The following CNPY1 variants were observed in gnomAD, a reference collection of about 807,000 sequenced individuals.
The protein encoded by CNPY1 is protein canopy homolog 1.
Under a neutral mutation model 14.4 loss-of-function variants are expected in CNPY1, and 14 were observed. The ratio of observed to expected loss-of-function variants is 0.97; its 90% CI spans 0.64 to 1.52. CNPY1 has a LOEUF of 1.52. Among genes scored for constraint, CNPY1 ranks in the 40% most tolerant of loss-of-function variants. CNPY1 has a pLI of 0.00. For missense variants in CNPY1, 129 were observed against 131.5 expected, an observed-to-expected ratio of 0.98 and a Z score of 0.09; for synonymous variants, 43 against 46.5, an observed-to-expected ratio of 0.92 and a Z score of 0.31.
intron 2 of CNPY1, among the ~76,000 whole-genome samples, chr7:155,527,434 C>CTTTTTTTTT (rs11364914): frequency 7.0e-5 from 4 of 56,890 alleles, no homozygotes; most frequent in Non-Finnish European, 9.0e-5. Context: ...TAATTAATTT[C>CTTTTTTTTT]TTTTTTTTTT....
At chr7:155,533,474 C>A (rs906179885) in intron 2 of CNPY1, among the ~76,000 whole-genome samples, 2 of 152,200 alleles carry the variant, frequency 1.3e-5, no homozygotes, top group Non-Finnish European at 1.5e-5. Context: ...GTGCAGGGCG[C>A]GCCTCAGAAT....
intron 2 of CNPY1, among the ~76,000 whole-genome samples, chr7:155,535,289 C>CAGGAACCT: frequency 6.6e-6 from 1 of 152,182 alleles, no homozygotes; most frequent in Non-Finnish European, 1.5e-5. Flanking sequence ...TGTGCCCTGC[C>CAGGAACCT]TCCAGGAAGG....
intron 2 of CNPY1, among the ~76,000 whole-genome samples, chr7:155,515,630 G>T (rs991802832): frequency 1.3e-5 from 2 of 152,110 alleles, no homozygotes; most frequent in African/African-American, 4.8e-5. Context: ...TGGGGGAAAC[G>T]AGGAGATTCG....
At chr7:155,509,556 G>A (rs1258255127) in intron 2 of CNPY1, among the ~76,000 whole-genome samples, 1 of 152,092 alleles carries the variant, frequency 6.6e-6, no homozygotes, top group African/African-American at 2.4e-5. Flanking sequence ...GCGAGAGAGA[G>A]AGCGCGCGCT....
intron 2 of CNPY1, among the ~76,000 whole-genome samples, chr7:155,515,796 A>G (rs769661393): frequency 1.5e-4 from 23 of 152,204 alleles, no homozygotes; most frequent in Non-Finnish European, 3.1e-4. Flanking sequence ...TCTGGTTCCC[A>G]GGGTCTAGAA....
rs530886299 is a variant in CNPY1 at position 155,535,863 on chromosome 7, G to A, written c.99+9968C>T. Among the ~76,000 whole-genome samples, 26 of 152,264 alleles carry A rather than the reference G, an allele frequency of 1.7e-4. No individual in the cohort carries two copies. The East Asian group carries it at 4.2e-3, about 25-fold the overall frequency. On this transcript the variant is annotated intron_variant, in intron 2 of 4. Transcript: ENST00000636446. ...CTTCTCACCGATTCTGCTGTTCTCT[G>A]GTAAGCATCGTCTGCTATCATCAGG...
intron 2 of CNPY1, among the ~76,000 whole-genome samples, chr7:155,529,478 C>G (rs1014218236): frequency 2.0e-5 from 3 of 152,228 alleles, no homozygotes; most frequent in Non-Finnish European, 2.9e-5. Context: ...CCAGCAGGGC[C>G]GTGATCTCTC....
intron 2 of CNPY1, among the ~76,000 whole-genome samples, chr7:155,541,863 C>T (rs1011474346): frequency 1.1e-4 from 16 of 152,172 alleles, no homozygotes; most frequent in Non-Finnish European, 1.9e-4. Context: ...TCAGAAACCA[C>T]GGCAGCCCTA....
intron 2 of CNPY1, among the ~76,000 whole-genome samples, chr7:155,540,821 C>T (rs1324883195): frequency 2.6e-5 from 4 of 152,200 alleles, no homozygotes; most frequent in Non-Finnish European, 5.9e-5. Flanking sequence ...CTGGGTGCCC[C>T]GCTGAGAGCA....
At chr7:155,519,137 C>T (rs1031109840) in intron 2 of CNPY1, among the ~76,000 whole-genome samples, 1 of 152,176 alleles carries the variant, frequency 6.6e-6, no homozygotes, top group African/African-American at 2.4e-5. Flanking sequence ...GAGGCCACCA[C>T]ACCCCAGGGG....
intron 2 of CNPY1, chr7:155,533,640 C>T (rs1045272226): frequency 6.6e-6 from 1 of 152,196 alleles, no homozygotes; most frequent in Non-Finnish European, 1.5e-5. Flanking sequence ...AATGTGAATT[C>T]CACTCGTCCA....
rs1037806903 is a variant in CNPY1, at chr7:155,530,616, C to T, written c.99+15215G>A. 4.2e-4 allele frequency among the ~76,000 whole-genome samples: 64 copies of T among 152,320 alleles called. 1 individual carries two copies. The highest frequency in any genetic ancestry group is 1.4e-3 in the African/African-American group (60 of 41,574). On this transcript the variant is annotated intron_variant, in intron 2 of 4. Coordinates refer to ENST00000636446, the MANE Select transcript of CNPY1 (RefSeq NM_001393663.1). ...AAGTGCTGGGATTATAGGTATGAAC[C>T]ACTGCCAACGGCCAGGCAGCCTCAG...
chr7:155,509,971 G>C (rs1796483633), intron 2 of CNPY1, among the ~76,000 whole-genome samples: 1 of 152,120 alleles, frequency 6.6e-6, no homozygotes. Context: ...CCGGAAGGGG[G>C]CGTGGAGCCG....
At chr7:155,518,850 T>C (rs1010258101) in intron 2 of CNPY1, among the ~76,000 whole-genome samples, 5 of 152,176 alleles carry the variant, frequency 3.3e-5, no homozygotes, top group African/African-American at 1.2e-4. Context: ...GGTGGAAGGC[T>C]ACCTTGCGCA....
At chr7:155,518,095 C>T (rs1163689165) in intron 2 of CNPY1, among the ~76,000 whole-genome samples, 1 of 152,190 alleles carries the variant, frequency 6.6e-6, no homozygotes, top group Non-Finnish European at 1.5e-5. Flanking sequence ...GAAGCTCTCT[C>T]TGCCGAAACC....
At chr7:155,528,916 C>A (rs1003621219) in intron 2 of CNPY1, among the ~76,000 whole-genome samples, 1 of 152,074 alleles carries the variant, frequency 6.6e-6, no homozygotes, top group African/African-American at 2.4e-5. Flanking sequence ...AAAAAATTAG[C>A]CAGGCATGGT....
chr7:155,512,541 T>C (rs1585306148), intron 2 of CNPY1, among the ~76,000 whole-genome samples: 1 of 152,232 alleles, frequency 6.6e-6, no homozygotes, highest in African/African-American at 2.4e-5. Context: ...TGGCTTTGGC[T>C]TCTCCAGAAG....
intron 2 of CNPY1, among the ~76,000 whole-genome samples, chr7:155,515,163 C>T (rs568108526): frequency 2.6e-5 from 4 of 152,222 alleles, no homozygotes; most frequent in South Asian, 2.1e-4. Flanking sequence ...AGGCAGAGAC[C>T]GCTGCAAGCA....
intron 2 of CNPY1, among the ~76,000 whole-genome samples, chr7:155,532,405 A>G (rs7785203): frequency 0.45 from 68,804 of 151,330 alleles, 16,619 homozygotes; most frequent in South Asian, 0.6. Flanking sequence ...GGCGGATCAC[A>G]AGGTCAGGAG....
Sources: allele counts gnomAD v4.1 joint callset (sites outside exome capture counted in the v4.1 genomes callset), GRCh38; gene constraint gnomAD v4.1.1; transcripts MANE v1.5; gene names NCBI Gene and HGNC (gene_info 2026-07-23, HGNC 2026-07-21).